HTR4: variants seen among roughly 807,000 people sequenced by gnomAD.
HTR4 encodes 5-hydroxytryptamine (serotonin) receptor 4, G protein-coupled.
HTR4 carries 16 observed loss-of-function variants against 36.8 expected under a neutral mutation model. That is an observed-to-expected ratio of 0.43 (90% CI 0.29 to 0.66). The LOEUF (loss-of-function observed/expected upper bound fraction) is 0.66, where lower values mean the gene tolerates loss of function less well. HTR4 is among the 30% of genes least tolerant of loss of function. HTR4 has a pLI of 0.13. For missense variants in HTR4, 438 were observed against 490.9 expected, an observed-to-expected ratio of 0.89 and a Z score of 1.02; for synonymous variants, 189 against 185.1, an observed-to-expected ratio of 1.02 and a Z score of -0.17.
At chr5:148,576,970 G>A (rs185818910) in intron 2 of HTR4, among the ~76,000 whole-genome samples, 1 of 152,146 alleles carries the variant, frequency 6.6e-6, no homozygotes, top group Admixed American at 6.6e-5. Flanking sequence ...TGACAACTGG[G>A]ATCTAATTAA....
chr5:148,483,949 ATT>A (rs1205926776), intron 6 of HTR4, among the ~76,000 whole-genome samples: 1 of 117,040 alleles, frequency 8.5e-6, no homozygotes, highest in Non-Finnish European at 1.9e-5. Context: ...TTATTTATTT[ATT>A]TATTTATTTA....
intron 6 of HTR4, 136 bp downstream of exon 6, chr5:148,509,320 T>C (rs538646502): frequency 4.7e-6 from 3 of 644,448 alleles, no homozygotes; most frequent in East Asian, 5.5e-5. Flanking sequence ...CATGACCAGA[T>C]AGTAGAATCT....
chr5:148,530,313 G>A (rs534474533), intron 4 of HTR4, among the ~76,000 whole-genome samples: 1 of 152,078 alleles, frequency 6.6e-6, no homozygotes, highest in Admixed American at 6.5e-5. Context: ...TGGAAGCCTA[G>A]GAGAAAAAAT....
At chr5:148,575,660 T>C (rs933464787) in intron 2 of HTR4, among the ~76,000 whole-genome samples, 1 of 152,094 alleles carries the variant, frequency 6.6e-6, no homozygotes, top group Non-Finnish European at 1.5e-5. Context: ...CTGGAAATTA[T>C]CTAAATATTC....
Position 148,636,987 on chromosome 5 carries a change from A to T in HTR4, c.26+2T>A. ...CACAATATGTACAGAAAGGTAACAT[A>T]CCTCACATTAGCATCAAGTTTGTCC... On this transcript the variant is annotated splice_donor_variant, in intron 2 of 6. Coordinates refer to ENST00000377888, the MANE Select transcript of HTR4 (RefSeq NM_000870.7). LOFTEE classifies it high-confidence loss of function. 6.3e-7 allele frequency: 1 copy of T among 1,583,202 alleles called. No individual in the cohort carries two copies. Among genetic ancestry groups the T allele is most frequent in the Non-Finnish European group, 8.7e-7 (1 of 1,152,366 alleles).
At chr5:148,485,694 AG>A (rs1178163291) in intron 6 of HTR4, among the ~76,000 whole-genome samples, 1 of 152,278 alleles carries the variant, frequency 6.6e-6, no homozygotes, top group East Asian at 1.9e-4. Context: ...CTAGGTGTAA[AG>A]GGGGAAAAAA....
At chr5:148,571,870 T>C (rs1217308687) in intron 2 of HTR4, among the ~76,000 whole-genome samples, 1 of 152,114 alleles carries the variant, frequency 6.6e-6, no homozygotes, top group African/African-American at 2.4e-5. Context: ...TCCTGAAGGA[T>C]TTTTAACACA....
intron 2 of HTR4, among the ~76,000 whole-genome samples, chr5:148,615,945 G>C (rs540075547): frequency 6.2e-4 from 95 of 152,296 alleles, no homozygotes; most frequent in African/African-American, 2.2e-3. Context: ...AGTTCGGGCA[G>C]TCTCTTTTTC....
chr5:148,644,421 AGT>A (rs1491140904), intron 1 of HTR4, among the ~76,000 whole-genome samples: 10 of 85,836 alleles, frequency 1.2e-4, no homozygotes, highest in South Asian at 3.8e-4. Flanking sequence ...CAAGCTCACA[AGT>A]TTTTTTTTTT....
chr5:148,525,876 C>T (rs1428951262), intron 4 of HTR4, among the ~76,000 whole-genome samples: 2 of 152,144 alleles, frequency 1.3e-5, no homozygotes, highest in Non-Finnish European at 2.9e-5. Flanking sequence ...ATGAGGTCTT[C>T]AGGGTGATCC....
intron 2 of HTR4, among the ~76,000 whole-genome samples, chr5:148,591,964 G>A (rs1489841787): frequency 2.6e-5 from 4 of 152,068 alleles, no homozygotes; most frequent in Admixed American, 1.3e-4. Context: ...ATTCACAATA[G>A]CAGAAGACAT....
At chr5:148,476,591 T>C (rs567883134), downstream of HTR4, 8 of 1,486,546 alleles carry the variant, frequency 5.4e-6, no homozygotes, top group Non-Finnish European at 7.1e-6. Context: ...GCTGGTACAG[T>C]GGAGATGCCG....
At chr5:148,512,885 C>T (rs548874471) in intron 5 of HTR4, among the ~76,000 whole-genome samples, 1 of 152,200 alleles carries the variant, frequency 6.6e-6, no homozygotes, top group South Asian at 2.1e-4. Flanking sequence ...GAGCTAAGAT[C>T]ACGCCACTGC....
chr5:148,610,424 C>T (rs968576277), intron 2 of HTR4, among the ~76,000 whole-genome samples: 1 of 152,228 alleles, frequency 6.6e-6, no homozygotes, highest in Non-Finnish European at 1.5e-5. Flanking sequence ...CACACTGACA[C>T]CTCACACTGC....
In HTR4 at chr5:148,618,194, A is replaced by G. The variant is rs982491995; in HGVS notation, c.26+18795T>C. ...GTGCTCTGAGTGGGGCCAGACCTGG[A>G]GAACATGCCCACTCTGAAGCCTGAT... On this transcript the variant is annotated intron_variant, in intron 2 of 6. Transcript: ENST00000377888. 2.0e-5 allele frequency among the ~76,000 whole-genome samples: 3 copies of G among 152,276 alleles called. No individual in the cohort carries two copies. In the East Asian group the frequency reaches 5.8e-4, roughly 29 times the overall value.
chr5:148,458,503 G>A (rs1226328552), intron 5 of HTR4, among the ~76,000 whole-genome samples: 1 of 152,124 alleles, frequency 6.6e-6, no homozygotes, highest in East Asian at 1.9e-4. Flanking sequence ...AGTAGTGTCA[G>A]GAGTGAGAGG....
At chr5:148,532,375 G>T (rs550719308) in intron 4 of HTR4, among the ~76,000 whole-genome samples, 8 of 152,326 alleles carry the variant, frequency 5.3e-5, no homozygotes, top group Non-Finnish European at 1.2e-4. Flanking sequence ...TTGTGTCCAT[G>T]ATGGCTAGTA....
intron 2 of HTR4, among the ~76,000 whole-genome samples, chr5:148,573,478 G>A (rs1358116794): frequency 6.6e-6 from 1 of 151,720 alleles, no homozygotes. Context: ...ACATGCTAGA[G>A]GGAAATAGAA....
In HTR4 at chr5:148,483,099, C is replaced by G. The variant is rs1353559223; in HGVS notation, c.*104G>C. 5.2e-6 allele frequency: 8 copies of G among 1,550,432 alleles called. No homozygotes were observed. The African/African-American group carries it at 8.2e-5, about 16-fold the overall frequency. On this transcript the variant is annotated 3_prime_UTR_variant, in exon 7 of 7. Coordinates refer to ENST00000377888, the MANE Select transcript of HTR4 (RefSeq NM_000870.7). ...GGTTCCTGCACTGGCGGACGGAAAG[C>G]CTCAGGTGAAGAGAATACCGGGTGC...
Sources: gnomAD v4.1 joint callset for allele counts (sites outside exome capture counted in the v4.1 genomes callset) on GRCh38, gnomAD v4.1.1 for gene constraint, MANE v1.5 for transcripts, NCBI Gene and HGNC (gene_info 2026-07-23, HGNC 2026-07-21) for gene names.